The following SEZ6L variants were observed in gnomAD, a reference collection of about 807,000 sequenced individuals.
SEZ6L encodes seizure 6-like protein.
In SEZ6L, 37 loss-of-function variants were observed where a neutral mutation model predicts 106.2. The ratio of observed to expected loss-of-function variants is 0.35; its 90% CI spans 0.27 to 0.46. The LOEUF is 0.46. Among genes scored for constraint, SEZ6L ranks in the 20% least tolerant of loss-of-function variants. The probability of loss-of-function intolerance (pLI) is 1.00; values close to 1 mark genes in which losing one functional copy is unlikely to be tolerated. For synonymous variants in SEZ6L, 541 were observed against 570.4 expected (o/e 0.95, Z 0.73); for missense variants, 1,172 against 1,332.8 (o/e 0.88, Z 1.88).
At chr22:26,294,871 C>CTCTT (rs367724577) in intron 3 of SEZ6L, among the ~76,000 whole-genome samples, 10,879 of 72,824 alleles carry the variant, frequency 0.15, 1,873 homozygotes, top group African/African-American at 0.21. Context: ...CTTTCTCTTT[C>CTCTT]TCTTTCTTTC....
chr22:26,220,598 G>A (rs754408684), intron 1 of SEZ6L, among the ~76,000 whole-genome samples: 2 of 152,144 alleles, frequency 1.3e-5, no homozygotes, highest in South Asian at 2.1e-4. Flanking sequence ...TGAGACAGGT[G>A]CTACACAGGC....
chr22:26,294,546 C>A, intron 3 of SEZ6L, 121 bp downstream of exon 3: 1 of 952,028 alleles, frequency 1.1e-6, no homozygotes, highest in Non-Finnish European at 1.6e-6. Flanking sequence ...CCAACCAGGC[C>A]AACTTTAGCT....
intron 1 of SEZ6L, among the ~76,000 whole-genome samples, chr22:26,278,941 G>A (rs1445052805): frequency 7.8e-6 from 1 of 128,628 alleles, no homozygotes; most frequent in Non-Finnish European, 1.6e-5. Context: ...AAGAAAGAAA[G>A]AAAGAAAAAG....
intron 12 of SEZ6L, among the ~76,000 whole-genome samples, chr22:26,357,165 A>C (rs2083465130): frequency 6.6e-6 from 1 of 152,014 alleles, no homozygotes; most frequent in Non-Finnish European, 1.5e-5. Flanking sequence ...GTTAGCCAGG[A>C]TGGTCTCCTG....
chr22:26,296,894 A>C lies in SEZ6L; in HGVS notation c.976A>C (p.Ser326Arg). Residue 326 changes from serine (S) to arginine (R), a missense_variant, in exon 4 of 17, where the codon AGT (serine) becomes CGT (arginine). By Grantham distance (110) the Ser-to-Arg change is moderately radical. Around this residue, in one of 4 missense-constraint regions of SEZ6L, gnomAD observed 494 missense variants for 445.8 expected, o/e 1.11. Coordinates refer to ENST00000248933, the MANE Select transcript of SEZ6L (RefSeq NM_021115.5). The part of the protein sequence containing the change: ...TGYGVELQVK[S>R]VNLSDGELLS... ...TGCTTCTGCCTGTTCCCAGGTGAAG[A>C]GTGTGAACCTGTCCGATGGGGAACT... 1.3e-6 allele frequency: 2 copies of C among 1,589,526 alleles called. No homozygotes were observed. The highest frequency in any genetic ancestry group is 1.7e-6 in the Non-Finnish European group (2 of 1,165,240).
At chr22:26,260,176 G>A (rs898516607) in intron 1 of SEZ6L, among the ~76,000 whole-genome samples, 1 of 152,054 alleles carries the variant, frequency 6.6e-6, no homozygotes, top group Non-Finnish European at 1.5e-5. Flanking sequence ...GAGAACAGGT[G>A]GTATTTGGTT....
At chr22:26,363,963 C>A (rs922010850) in intron 12 of SEZ6L, among the ~76,000 whole-genome samples, 3 of 152,172 alleles carry the variant, frequency 2.0e-5, no homozygotes, top group Admixed American at 6.6e-5. Context: ...GAGCTGTGAA[C>A]TTCATAGAGA....
intron 1 of SEZ6L, among the ~76,000 whole-genome samples, chr22:26,207,835 G>A (rs541960472): frequency 9.8e-4 from 148 of 151,762 alleles, no homozygotes; most frequent in Non-Finnish European, 1.6e-3. Context: ...TGCTGTGGTC[G>A]CTGTGTGTAA....
Position 26,296,989 on chromosome 22 carries a change from G to T in SEZ6L, c.1071G>T (p.Gly357=). ...CCAACCAGACACTCCTGGTGGAGGG[G>T]CAGGTAATCCGAAGCCCCACCAACA... ...VLANQTLLVE[G]QVIRSPTNTI... is the part of the protein sequence containing the mutation. Residue 357 remains glycine, a synonymous_variant, in exon 4 of 17, where the codon GGG becomes GGT. Coordinates refer to ENST00000248933, the MANE Select transcript of SEZ6L (RefSeq NM_021115.5). 2 of 1,614,122 alleles carry T rather than the reference G, an allele frequency of 1.2e-6. No individual in the cohort carries two copies. The highest frequency in any genetic ancestry group is 1.7e-6 in the Non-Finnish European group (2 of 1,180,010).
At chr22:26,367,279 C>T (rs1461615584) in intron 13 of SEZ6L, among the ~76,000 whole-genome samples, 3 of 152,066 alleles carry the variant, frequency 2.0e-5, no homozygotes, top group Non-Finnish European at 4.4e-5. Flanking sequence ...CTAGACAGCT[C>T]TCGCCTTGCC....
chr22:26,258,048 C>A (rs996635447), intron 1 of SEZ6L, among the ~76,000 whole-genome samples: 1 of 152,300 alleles, frequency 6.6e-6, no homozygotes, highest in Admixed American at 6.5e-5. Context: ...GAGAGGACTT[C>A]CGGAATGAGT....
At chr22:26,352,212 TACAA>T (rs1200032612) in intron 12 of SEZ6L, among the ~76,000 whole-genome samples, 2 of 149,862 alleles carry the variant, frequency 1.3e-5, no homozygotes, top group Non-Finnish European at 3.0e-5. Flanking sequence ...GATTCTGATA[TACAA>T]ACAATGTTCA....
At chr22:26,184,355 C>T (rs1484908847) in intron 1 of SEZ6L, among the ~76,000 whole-genome samples, 1 of 152,144 alleles carries the variant, frequency 6.6e-6, no homozygotes, top group Admixed American at 6.5e-5. Flanking sequence ...TGCCTGCCTC[C>T]CTCTCCACCC....
chr22:26,272,753 G>T (rs1439261380), intron 1 of SEZ6L, among the ~76,000 whole-genome samples: 1 of 152,154 alleles, frequency 6.6e-6, no homozygotes, highest in Non-Finnish European at 1.5e-5. Context: ...ATTTTATTTT[G>T]TGAAAGTTAA....
intron 9 of SEZ6L, among the ~76,000 whole-genome samples, chr22:26,317,658 C>T (rs1417659134): frequency 1.3e-5 from 2 of 152,108 alleles, no homozygotes; most frequent in African/African-American, 4.8e-5. Flanking sequence ...GATCCGGGAA[C>T]CTCATGCAAT....
chr22:26,307,564 C>G (rs1219230219), intron 6 of SEZ6L, among the ~76,000 whole-genome samples: 1 of 151,988 alleles, frequency 6.6e-6, no homozygotes, highest in East Asian at 1.9e-4. Context: ...TCCAGAACAA[C>G]TCTATATCGA....
intron 1 of SEZ6L, among the ~76,000 whole-genome samples, chr22:26,263,254 G>A (rs2080075149): frequency 1.3e-5 from 2 of 152,200 alleles, no homozygotes; most frequent in South Asian, 4.1e-4. Flanking sequence ...GTGTAACCTG[G>A]AGGCAAGTAT....
intron 1 of SEZ6L, among the ~76,000 whole-genome samples, chr22:26,202,699 G>A (rs908778528): frequency 6.6e-6 from 1 of 152,176 alleles, no homozygotes; most frequent in Non-Finnish European, 1.5e-5. Context: ...TAATGATGAT[G>A]TGGGTGGAAG....
At chr22:26,209,632 GAAGT>G (rs2078088254) in intron 1 of SEZ6L, among the ~76,000 whole-genome samples, 1 of 150,230 alleles carries the variant, frequency 6.7e-6, no homozygotes, top group South Asian at 2.1e-4. Flanking sequence ...AAGAAAGGAA[GAAGT>G]AAGGTAGGAA....
Sources: gnomAD v4.1 joint callset for allele counts (sites outside exome capture counted in the v4.1 genomes callset) on GRCh38, gnomAD v4.1.1 for gene constraint, gnomAD v4.1.1 regional missense constraint, MANE v1.5 for transcripts, NCBI Gene and HGNC (gene_info 2026-07-23, HGNC 2026-07-21) for gene names.